Variants in EIF2AK4 observed in about 807,000 individuals in gnomAD.
EIF2AK4 encodes eIF-2-alpha kinase GCN2.
In EIF2AK4, 139 loss-of-function variants were observed where a neutral mutation model predicts 211.1. The ratio of observed to expected loss-of-function variants is 0.66; its 90% confidence interval spans 0.57 to 0.76. The LOEUF (loss-of-function observed/expected upper bound fraction) is 0.76, where lower values mean the gene tolerates loss of function less well. Ranked by LOEUF, EIF2AK4 falls within the 30% of genes least tolerant of loss-of-function variation. The probability of loss-of-function intolerance (pLI) is 0.00; values close to 1 mark genes in which losing one functional copy is unlikely to be tolerated. For missense variants in EIF2AK4, 1,664 were observed against 2,043.8 expected, an observed-to-expected ratio of 0.81 and a Z score of 3.58; for synonymous variants, 710 against 751.3, an observed-to-expected ratio of 0.94 and a Z score of 0.90.
At chr15:40,013,384 C>G (rs2035262662) in intron 27 of EIF2AK4, among the ~76,000 whole-genome samples, 1 of 152,070 alleles carries the variant, frequency 6.6e-6, no homozygotes, top group Non-Finnish European at 1.5e-5. Context: ...CTCTATTAGT[C>G]TGCTGTCACA....
rs1298634031 is a variant in EIF2AK4 at position 40,017,509 on chromosome 15, ATATATATATATATATATATATAT to A, written c.4065+268_4065+290del. 4.1e-3 allele frequency among the ~76,000 whole-genome samples: 29 copies of A among 7,126 alleles called. 2 individuals carry two copies. The allele number at this position is 7,126 out of a possible 152,430, so 4.7% of individuals were successfully genotyped here. A position where few individuals can be genotyped will look rare whatever the true frequency, so the allele number is the denominator to read the frequency against. Reference sequence around the variant, plus strand: ...TACCCTTTACTCTGTTTCTATATATATATATATATATATATATATATATATATATATATATATATATATATGTA... The same window carrying A: ...TACCCTTTACTCTGTTTCTATATATAATATATATATATATATATATATGTA... On this transcript the variant is annotated intron_variant, in intron 29 of 38. Coordinates refer to ENST00000263791, the MANE Select transcript of EIF2AK4 (RefSeq NM_001013703.4).
chr15:40,021,131 A>G, intron 31 of EIF2AK4, 104 bp downstream of exon 31: 1 of 1,315,214 alleles, frequency 7.6e-7, no homozygotes, highest in Non-Finnish European at 1.0e-6. Context: ...TATCTCTGTA[A>G]TTCGAGTTGC....
In EIF2AK4 at chr15:40,016,583, A is replaced by G. The variant is rs765678622; in HGVS notation, c.3841A>G (p.Lys1281Glu). ...AACAATAAATTCATTAATAAAACAG[A>G]AAACAGGTATTGCACAGTTGGTGAA... The part of the protein sequence containing the change: ...MPTINSLIKQ[K>E]TGIAQLVKYG... Residue 1281 changes from lysine to glutamate, a missense_variant, in exon 28 of 39, where the codon AAA (lysine) becomes GAA (glutamate). By Grantham distance (56) the Lys-to-Glu change is moderately conservative (BLOSUM62 1). Transcript: ENST00000263791. 1.2e-6 allele frequency: 2 copies of G among 1,614,238 alleles called. No individual in the cohort carries two copies. The highest frequency in any genetic ancestry group is 3.3e-5 in the Admixed American group (2 of 60,030).
chr15:39,982,077 A>T (rs2140922284), intron 13 of EIF2AK4, among the ~76,000 whole-genome samples: 2 of 152,172 alleles, frequency 1.3e-5, no homozygotes, highest in South Asian at 2.1e-4. Context: ...GGTGCCCACC[A>T]CCATGCCCGG....
intron 7 of EIF2AK4, among the ~76,000 whole-genome samples, chr15:39,964,608 A>G (rs1566987836): frequency 6.6e-6 from 1 of 152,186 alleles, no homozygotes; most frequent in Non-Finnish European, 1.5e-5. Context: ...TGATATGGTA[A>G]ATTATGGGGT....
chr15:39,965,735 C>A lies in EIF2AK4; in HGVS notation c.909C>A (p.Ala303=). The part of the protein sequence containing the change: ...GKLVYNALET[A]TGGFVLLYEW... ...TAGTCTACAATGCTTTGGAAACAGC[C>A]ACTGGTGGCTTTGTCTTGTTGTATG... Residue 303 remains alanine, a synonymous_variant, in exon 8 of 39, where the codon GCC becomes GCA. Transcript: ENST00000263791. The A allele has an allele frequency of 6.2e-7, 1 of 1,614,006 alleles. No individual in the cohort carries two copies. The highest frequency in any genetic ancestry group is 8.5e-7 in the Non-Finnish European group (1 of 1,179,964).
chr15:39,978,179 A>T (rs1255273778), intron 13 of EIF2AK4, 32 bp downstream of exon 13: 1 of 1,282,528 alleles, frequency 7.8e-7, no homozygotes, highest in Non-Finnish European at 1.1e-6. Flanking sequence ...ATATCATTTT[A>T]TTCGTGATAT....
At chr15:39,995,269 C>CCAACA (rs2035003769) in intron 18 of EIF2AK4, among the ~76,000 whole-genome samples, 1 of 152,138 alleles carries the variant, frequency 6.6e-6, no homozygotes, top group South Asian at 2.1e-4. Context: ...TTTTCTATAG[C>CCAACA]CAACACGTAT....
In EIF2AK4 at chr15:39,976,689, C is replaced by T. The variant is rs1232146039; in HGVS notation, c.2094C>T (p.Ala698=). 2.5e-6 allele frequency: 4 copies of T among 1,600,910 alleles called. No homozygotes were observed. Among genetic ancestry groups the T allele is most frequent in the Middle Eastern group, 1.7e-4 (1 of 6,028 alleles). ...SDTDGLDSVE[A]AAPPPILSSS... ...CAGACGGCCTGGACAGCGTAGAGGC[C>T]GCCGCGCCGCCACCCATCCTCAGCA... The change falls in exon 12 of 39, where the codon GCC becomes GCT. Residue 698 remains alanine (A), a synonymous_variant. Transcript: ENST00000263791.
At position 39,967,629 on chromosome 15, in the gene EIF2AK4, G is replaced by A. The variant is rs2034563226; in HGVS notation, c.1303G>A (p.Ala435Thr). The change falls in exon 9 of 39, where the codon GCA becomes ACA. Residue 435 changes from alanine to threonine, a missense_variant. By Grantham distance (58) the Ala-to-Thr change is moderately conservative. This residue lies in a region of EIF2AK4 where 641 missense variants were observed against 729.6 expected (regional missense o/e 0.88). Coordinates refer to ENST00000263791, the MANE Select transcript of EIF2AK4 (RefSeq NM_001013703.4). ...GAGTGCATCTAATGTCTTGGTGGAT[G>A]CAGAAGGCACCGTCAAGATTACGGA... The part of the protein sequence containing the change: ...VLSASNVLVD[A>T]EGTVKITDYS... 6.2e-7 allele frequency: 1 copy of A among 1,614,050 alleles called. No individual in the cohort carries two copies. The highest frequency in any genetic ancestry group is 1.7e-5 in the Admixed American group (1 of 60,004).
intron 4 of EIF2AK4, 32 bp from the exon 5 acceptor site, chr15:39,953,872 T>G (rs780743440): frequency 1.2e-6 from 2 of 1,601,516 alleles, no homozygotes; most frequent in South Asian, 1.1e-5. Context: ...GTTTCAGAGA[T>G]TGGCATTTGA....
intron 27 of EIF2AK4, 132 bp from the exon 28 acceptor site, chr15:40,016,369 TA>T: frequency 8.7e-7 from 1 of 1,147,024 alleles, no homozygotes; most frequent in Non-Finnish European, 1.2e-6. Flanking sequence ...TGGCAAAGCC[TA>T]AAATAATCTT....
intron 33 of EIF2AK4, among the ~76,000 whole-genome samples, chr15:40,028,301 C>G (rs2035493390): frequency 6.6e-6 from 1 of 152,108 alleles, no homozygotes. Context: ...TCTCCAACTC[C>G]TGGACTCAAG....
chr15:40,010,390 T>C (rs2035219168), intron 26 of EIF2AK4, among the ~76,000 whole-genome samples: 1 of 152,256 alleles, frequency 6.6e-6, no homozygotes, highest in South Asian at 2.1e-4. Flanking sequence ...CCTGTGGGAC[T>C]GAGGCTATGG....
In EIF2AK4 at chr15:40,000,997, A is replaced by G; in HGVS notation, c.2932A>G (p.Ile978Val). 6.2e-6 allele frequency: 10 copies of G among 1,614,214 alleles called. No homozygotes were observed. The highest frequency in any genetic ancestry group is 8.5e-6 in the Non-Finnish European group (10 of 1,180,042). ...CTGGGTTTTATTGTAGAAATCAGTC[A>G]TCTCCTGGCTGTTGAACCACGATCC... The part of the protein sequence containing the change: ...DGEHAKQKSV[I>V]SWLLNHDPAK... Residue 978 changes from isoleucine (I) to valine (V), a missense_variant, in exon 21 of 39, where the codon ATC (isoleucine) becomes GTC (valine). Ile to Val is a conservative substitution (Grantham distance 29). Around this residue, in one of 7 missense-constraint regions of EIF2AK4, gnomAD observed 622 missense variants for 796.8 expected, o/e 0.78. Transcript: ENST00000263791.
At chr15:40,015,016 CCAA>C (rs1567005718) in intron 27 of EIF2AK4, among the ~76,000 whole-genome samples, 2 of 152,194 alleles carry the variant, frequency 1.3e-5, no homozygotes, top group Non-Finnish European at 2.9e-5. Context: ...ACTTCAGTTC[CCAA>C]CAAGTTCCTC....
At chr15:40,004,995 A>C (rs1324017710) in intron 23 of EIF2AK4, among the ~76,000 whole-genome samples, 1 of 152,242 alleles carries the variant, frequency 6.6e-6, no homozygotes, top group Admixed American at 6.5e-5. Flanking sequence ...CAGAAAAAAA[A>C]ATTCCAACAA....
rs1595402665 is a variant in EIF2AK4, at chr15:39,973,851, A to G, written c.1818+102A>G. 3 of 1,352,616 alleles carry G rather than the reference A, an allele frequency of 2.2e-6. No individual in the cohort carries two copies. The East Asian group carries it at 6.9e-5, about 31-fold the overall frequency. The allele number at this position is 1,352,616 out of a possible 1,614,324, so 83.8% of individuals were successfully genotyped here. The stretch of plus-strand genomic sequence containing the variant: ...CTTTTATTTTGGGAGTGGGGAGGGA[A>G]GTGAATATGGCTGTTGGATACTATG... On this transcript the variant is annotated intron_variant, in intron 11 of 38. Transcript: ENST00000263791.
At chr15:40,026,160 A>C (rs886808775) in intron 33 of EIF2AK4, 71 bp downstream of exon 33, 1 of 1,410,968 alleles carries the variant, frequency 7.1e-7, no homozygotes, top group Admixed American at 1.9e-5. Context: ...AATTTATTTT[A>C]AAAGTCAATT....
Sources: allele counts gnomAD v4.1 joint callset (sites outside exome capture counted in the v4.1 genomes callset), GRCh38; gene constraint gnomAD v4.1.1; regional missense constraint gnomAD v4.1.1; transcripts MANE v1.5; gene names NCBI Gene and HGNC (gene_info 2026-07-23, HGNC 2026-07-21).